The following DENND5B variants were observed in gnomAD, a reference collection of about 807,000 sequenced individuals.
DENND5B encodes DENN domain containing 5B, also known as DENN domain-containing protein 5B.
In DENND5B, 34 loss-of-function variants were observed where a neutral mutation model predicts 140.6. The ratio of observed to expected loss-of-function variants is 0.24; its 90% confidence interval spans 0.18 to 0.32. The LOEUF (loss-of-function observed/expected upper bound fraction) is 0.32. Among genes scored for constraint, DENND5B ranks in the 10% least tolerant of loss-of-function variants. The probability of loss-of-function intolerance (pLI) is 1.00; values close to 1 mark genes in which losing one functional copy is unlikely to be tolerated. For missense variants in DENND5B, 1,142 were observed against 1,560.2 expected (o/e 0.73, Z 4.52); for synonymous variants, 551 against 562.1 (o/e 0.98, Z 0.28).
chr12:31,499,633 T>A, intron 1 of DENND5B: 1 of 1,507,450 alleles, frequency 6.6e-7, no homozygotes, highest in South Asian at 1.3e-5. Flanking sequence ...GCACCTTGGC[T>A]CTTGCCATGA....
intron 13 of DENND5B, among the ~76,000 whole-genome samples, chr12:31,410,977 T>C (rs913936661): frequency 4.6e-5 from 7 of 151,736 alleles, no homozygotes; most frequent in African/African-American, 1.7e-4. Context: ...GTTCTTTATA[T>C]AGCAGGATTG....
rs146265569 is a variant in DENND5B at position 31,382,343 on chromosome 12, A to G, written c.*5260T>C. 4.2e-3 allele frequency: 636 copies of G among 152,342 alleles called. 5 individuals carry two copies. Among genetic ancestry groups the G allele is most frequent in the African/African-American group, 0.014 (579 of 41,578 alleles). The allele number at this position is 152,342 out of a possible 1,614,324, so 9.4% of individuals were successfully genotyped here. ...TGATATGTATGTTAAAGTGCTTAAT[A>G]TCACAATACTCTTTCAAATTTTATA... is the stretch of plus-strand genomic sequence containing the variant. On this transcript the variant is annotated 3_prime_UTR_variant, in exon 21 of 21. Coordinates refer to ENST00000389082, the MANE Select transcript of DENND5B (RefSeq NM_144973.4).
chr12:31,398,174 CTGT>C lies in DENND5B; in HGVS notation c.3254_3256del (p.Asn1085del), dbSNP rs772412748. 3.8e-6 allele frequency: 6 copies of C among 1,580,062 alleles called. No individual in the cohort carries two copies. Among genetic ancestry groups the C allele is most frequent in the African/African-American group, 2.7e-5 (2 of 73,924 alleles). ...CATAAGAAAAATTTAAATAAATTTA[CTGT>C]TGTTTTTTCCTGTCAGTGAAGTGAT... On this transcript the variant is annotated inframe_deletion and splice_region_variant, in exon 17 of 21. Coordinates refer to ENST00000389082, the MANE Select transcript of DENND5B (RefSeq NM_144973.4).
chr12:31,560,655 T>C (rs950958613), intron 1 of DENND5B, among the ~76,000 whole-genome samples: 4 of 152,178 alleles, frequency 2.6e-5, no homozygotes, highest in South Asian at 2.1e-4. Context: ...CCCATTCTCT[T>C]AGAGTAAAAA....
chr12:31,554,201 C>G (rs1038788943), intron 1 of DENND5B, among the ~76,000 whole-genome samples: 2 of 151,792 alleles, frequency 1.3e-5, no homozygotes, highest in Non-Finnish European at 2.9e-5. Flanking sequence ...GTGGCTGGTA[C>G]CGGTTGTTCC....
In DENND5B at chr12:31,424,676, C is replaced by A; in HGVS notation, c.2250G>T (p.Met750Ile). 1 of 1,613,968 alleles carries A rather than the reference C, an allele frequency of 6.2e-7. No individual in the cohort carries two copies. The highest frequency in any genetic ancestry group is 8.5e-7 in the Non-Finnish European group (1 of 1,179,868). ...LKECRMKTKR[M>I]LVEKMGHEAV... ...CTTCATGTCCCATCTTCTCCACCAA[C>A]ATGCGCTTTGTCTAAGAATATCACG... Residue 750 changes from methionine to isoleucine, a missense_variant, in exon 10 of 21, where the codon ATG (methionine) becomes ATT (isoleucine). This residue lies in a region of DENND5B where 33 missense variants were observed against 90.8 expected (regional missense o/e 0.36). Transcript: ENST00000389082.
intron 1 of DENND5B, among the ~76,000 whole-genome samples, chr12:31,554,207 G>A (rs891743166): frequency 1.4e-3 from 219 of 152,306 alleles, no homozygotes; most frequent in Non-Finnish European, 2.6e-3. Context: ...GGTACCGGTT[G>A]TTCCTTTCCA....
chr12:31,425,110 C>T (rs1010957360), intron 9 of DENND5B, among the ~76,000 whole-genome samples: 1 of 152,100 alleles, frequency 6.6e-6, no homozygotes, highest in Non-Finnish European at 1.5e-5. Context: ...GTCAGGAGTT[C>T]GAGACCAGCC....
At chr12:31,395,942 CAAAAAAAAAAA>C (rs541816511) in intron 17 of DENND5B, among the ~76,000 whole-genome samples, 1 of 91,822 alleles carries the variant, frequency 1.1e-5, no homozygotes, top group Non-Finnish European at 2.1e-5. Context: ...ATCACTGGGC[CAAAAAAAAAAA>C]AAAAAAAAAA....
chr12:31,483,623 T>C (rs1946166031), intron 2 of DENND5B, among the ~76,000 whole-genome samples: 1 of 151,772 alleles, frequency 6.6e-6, no homozygotes, highest in Non-Finnish European at 1.5e-5. Flanking sequence ...GTATTTTTAG[T>C]AGAGATGGGT....
intron 14 of DENND5B, among the ~76,000 whole-genome samples, chr12:31,404,611 G>A (rs1942011039): frequency 5.3e-5 from 8 of 151,788 alleles, no homozygotes; most frequent in Admixed American, 4.6e-4. Flanking sequence ...CTGCCACCTC[G>A]CCCAGCTAAT....
At position 31,479,618 on chromosome 12, in the gene DENND5B, A is replaced by G. The variant is rs1945977186; in HGVS notation, c.875T>C (p.Leu292Ser). The change falls in exon 3 of 21, where the codon TTA becomes TCA. Residue 292 changes from leucine (L) to serine (S), a missense_variant. Leu to Ser is a moderately radical substitution (Grantham distance 145). Around this residue, in one of 5 missense-constraint regions of DENND5B, gnomAD observed 708 missense variants for 905.5 expected, o/e 0.78. Transcript: ENST00000389082. The stretch of plus-strand genomic sequence containing the variant: ...TGAGTAGAGAAGGATTTGCATCTCT[A>G]AAAGAACACAGGTAAACACCTGCAC... The part of the protein sequence containing the change: ...NLVQVFTCVL[L>S]EMQILLYSQD... 6.6e-7 allele frequency: 1 copy of G among 1,505,500 alleles called. No individual in the cohort carries two copies. Among genetic ancestry groups the G allele is most frequent in the Admixed American group, 2.4e-5 (1 of 41,678 alleles). The allele number at this position is 1,505,500 out of a possible 1,614,324, so 93.3% of individuals were successfully genotyped here. A position where few individuals can be genotyped will look rare whatever the true frequency, so the allele number is the denominator to read the frequency against.
chr12:31,574,821 T>A (rs905514445), intron 1 of DENND5B, among the ~76,000 whole-genome samples: 1 of 152,200 alleles, frequency 6.6e-6, no homozygotes, highest in African/African-American at 2.4e-5. Flanking sequence ...TACATTCTAG[T>A]ACACACAGCT....
chr12:31,385,518 T>A lies in DENND5B; in HGVS notation c.*2085A>T, dbSNP rs1344981517. 1 of 152,198 alleles carries A rather than the reference T, an allele frequency of 6.6e-6. No individual in the cohort carries two copies. Among genetic ancestry groups the A allele is most frequent in the Admixed American group, 6.5e-5 (1 of 15,274 alleles). 9.4% of individuals were successfully genotyped at this position (152,198 alleles called of 1,614,324 possible). On this transcript the variant is annotated 3_prime_UTR_variant, in exon 21 of 21. Coordinates refer to ENST00000389082, the MANE Select transcript of DENND5B (RefSeq NM_144973.4). ...GGTTGGACCCCTCTATAGTTTCTGA[T>A]CACCAAACACAGTAGGAGCCCAGTG...
intron 1 of DENND5B, among the ~76,000 whole-genome samples, chr12:31,503,747 G>C (rs146927506): frequency 0.036 from 5,552 of 152,212 alleles, 154 homozygotes; most frequent in Middle Eastern, 0.065. Flanking sequence ...ACTTCACATA[G>C]TCCTCGTTTC....
chr12:31,518,203 C>T (rs947887654), intron 1 of DENND5B, among the ~76,000 whole-genome samples: 4 of 152,220 alleles, frequency 2.6e-5, no homozygotes, highest in African/African-American at 9.7e-5. Flanking sequence ...ACTATGAACA[C>T]ATAAAACTTG....
At chr12:31,582,310 G>A (rs773207559) in intron 1 of DENND5B, among the ~76,000 whole-genome samples, 2 of 152,052 alleles carry the variant, frequency 1.3e-5, no homozygotes, top group Non-Finnish European at 2.9e-5. Flanking sequence ...TGATGCCTGC[G>A]GCTGTCATAA....
chr12:31,456,329 C>CAAAAAA (rs56369582), intron 4 of DENND5B, among the ~76,000 whole-genome samples: 3 of 121,612 alleles, frequency 2.5e-5, no homozygotes, highest in African/African-American at 9.3e-5. Context: ...GACTCCGTCT[C>CAAAAAA]AAAAAAAAAA....
chr12:31,577,467 T>G (rs1486533618), intron 1 of DENND5B, among the ~76,000 whole-genome samples: 3 of 152,030 alleles, frequency 2.0e-5, no homozygotes, highest in Non-Finnish European at 4.4e-5. Context: ...TCCCAGCACT[T>G]TGGGAGGCCG....
Sources: allele counts gnomAD v4.1 joint callset (sites outside exome capture counted in the v4.1 genomes callset), GRCh38; gene constraint gnomAD v4.1.1; regional missense constraint gnomAD v4.1.1; transcripts MANE v1.5; gene names NCBI Gene and HGNC (gene_info 2026-07-23, HGNC 2026-07-21).